Variants in ANK1 observed in about 807,000 individuals in gnomAD.
The protein encoded by ANK1 is ankyrin-1.
A neutral mutation model predicts 210.4 loss-of-function variants in ANK1; 51 were observed. The observed-to-expected ratio is 0.24, with a 90% CI of 0.19 to 0.31. The LOEUF (loss-of-function observed/expected upper bound fraction) is 0.31, where lower values mean the gene tolerates loss of function less well. Among genes scored for constraint, ANK1 ranks in the 10% least tolerant of loss-of-function variants. The pLI, the probability that ANK1 is intolerant of heterozygous loss-of-function variation, is 1.00. For missense variants in ANK1, 2,051 were observed against 2,504.4 expected, an observed-to-expected ratio of 0.82 and a Z score of 3.86; for synonymous variants, 967 against 1,025.9, an observed-to-expected ratio of 0.94 and a Z score of 1.10.
rs748831908 is a variant in ANK1, at chr8:41,690,443, A to C, written c.3984+31T>G. The C allele has an allele frequency of 1.9e-6, 3 of 1,614,078 alleles. No individual in the cohort carries two copies. The African/African-American group carries it at 4.0e-5, about 22-fold the overall frequency. On this transcript the variant is annotated intron_variant, in intron 32 of 42. Coordinates refer to ENST00000289734, the MANE Select transcript of ANK1 (RefSeq NM_000037.4). The stretch of plus-strand genomic sequence containing the variant: ...TCTGCCTCCCCAACTTTCTAGACCC[A>C]GAGGAGAACTCAGCCAGAGGGTGCC...
chr8:41,756,603 C>T (rs567709560), intron 2 of ANK1, among the ~76,000 whole-genome samples: 9 of 152,078 alleles, frequency 5.9e-5, no homozygotes, highest in Non-Finnish European at 1.2e-4. Context: ...CCACCATGCC[C>T]GGCTAATTTT....
intron 2 of ANK1, among the ~76,000 whole-genome samples, chr8:41,756,740 A>C (rs78199333): frequency 0.16 from 24,305 of 152,202 alleles, 2,311 homozygotes; most frequent in South Asian, 0.24. Context: ...ACTACACCGG[A>C]TAGTATTTTG....
intron 8 of ANK1, 68 bp downstream of exon 8, chr8:41,723,467 C>T: frequency 6.4e-7 from 1 of 1,572,096 alleles, no homozygotes; most frequent in Admixed American, 1.7e-5. Context: ...GGGCCCGCTG[C>T]TCTGGGTGAG....
intron 1 of ANK1, among the ~76,000 whole-genome samples, chr8:41,895,536 G>T (rs1370926950): frequency 6.6e-6 from 1 of 152,082 alleles, no homozygotes; most frequent in Non-Finnish European, 1.5e-5. Flanking sequence ...TGGAGGTCTG[G>T]GTCTTTGCGG....
At position 41,663,639 on chromosome 8, in the gene ANK1, G is replaced by A; in HGVS notation, c.5478+20C>T. On this transcript the variant is annotated intron_variant, in intron 40 of 42. Transcript: ENST00000289734. ...CCCACCTGCCTCTCCCCAGCACAGAGGGGAACACTCTGCACCCACCTTCTT... is the reference window on the plus strand; with the variant it reads ...CCCACCTGCCTCTCCCCAGCACAGAAGGGAACACTCTGCACCCACCTTCTT... The A allele has an allele frequency of 6.2e-7, 1 of 1,609,802 alleles. No homozygotes were observed. Among genetic ancestry groups the A allele is most frequent in the East Asian group, 2.2e-5 (1 of 44,850 alleles).
intron 1 of ANK1, among the ~76,000 whole-genome samples, chr8:41,876,005 C>T (rs1385539933): frequency 1.3e-5 from 2 of 151,952 alleles, no homozygotes; most frequent in Non-Finnish European, 2.9e-5. Context: ...CCTGGCCCCG[C>T]GCGCGCACGT....
At chr8:41,896,058 C>T (rs1215821954) in intron 1 of ANK1, among the ~76,000 whole-genome samples, 3 of 152,238 alleles carry the variant, frequency 2.0e-5, no homozygotes, top group African/African-American at 7.2e-5. Context: ...CGCGGGCCTG[C>T]CGGGTGCTGT....
At chr8:41,858,652 G>A (rs919465649) in intron 1 of ANK1, among the ~76,000 whole-genome samples, 2 of 152,218 alleles carry the variant, frequency 1.3e-5, no homozygotes, top group South Asian at 2.1e-4. Flanking sequence ...GATTAGGCCC[G>A]GATTCCGCTC....
chr8:41,784,494 C>T (rs1244936776), intron 1 of ANK1, among the ~76,000 whole-genome samples: 3 of 152,146 alleles, frequency 2.0e-5, no homozygotes, highest in Non-Finnish European at 2.9e-5. Flanking sequence ...TACCACCTAC[C>T]GCAAGGACAT....
intron 1 of ANK1, among the ~76,000 whole-genome samples, chr8:41,839,070 C>A (rs956522525): frequency 6.6e-6 from 1 of 152,102 alleles, no homozygotes; most frequent in East Asian, 1.9e-4. Flanking sequence ...GAGTGAGACT[C>A]CTTCTCAAAA....
intron 1 of ANK1, among the ~76,000 whole-genome samples, chr8:41,831,560 A>G (rs1313234470): frequency 1.3e-5 from 2 of 150,618 alleles, no homozygotes; most frequent in South Asian, 4.2e-4. Context: ...AGGCAGAAGG[A>G]TTGCTTGAAC....
intron 1 of ANK1, among the ~76,000 whole-genome samples, chr8:41,767,678 C>CGG (rs1842149219): frequency 6.6e-6 from 1 of 152,106 alleles, no homozygotes; most frequent in African/African-American, 2.4e-5. Flanking sequence ...GGGGCGCGGG[C>CGG]GGGGGTGCAG....
Position 41,822,096 on chromosome 8 carries a change from G to A in ANK1, c.127-63959C>T, listed in dbSNP as rs1448812629. On this transcript the variant is annotated intron_variant, in intron 1 of 42. Coordinates refer to the ANK1 transcript ENST00000265709. Reference sequence around the variant, plus strand: ...AGAGAGAGAGAGAGAGAGAGAGAGAGAGAGAGAGAGAGAGAGAGAAAGAAA... The same window carrying A: ...AGAGAGAGAGAGAGAGAGAGAGAGAAAGAGAGAGAGAGAGAGAGAAAGAAA... Among the ~76,000 whole-genome samples, 60 of 47,910 alleles carry A rather than the reference G, an allele frequency of 1.3e-3. 4 individuals carry two copies. The highest frequency in any genetic ancestry group is 5.9e-3 in the African/African-American group (60 of 10,160). The allele number at this position is 47,910 out of a possible 152,430, so 31.4% of individuals were successfully genotyped here. A position where few individuals can be genotyped will look rare whatever the true frequency, so the allele number is the denominator to read the frequency against.
chr8:41,659,452 G>A (rs546446455), intron 42 of ANK1, among the ~76,000 whole-genome samples: 7 of 152,250 alleles, frequency 4.6e-5, no homozygotes, highest in African/African-American at 1.4e-4. Flanking sequence ...CCAGCTTTGG[G>A]GCTACAGATA....
At chr8:41,672,309 C>T in intron 38 of ANK1, 45 bp downstream of exon 38, 1 of 1,599,172 alleles carries the variant, frequency 6.3e-7, no homozygotes, top group Non-Finnish European at 8.6e-7. Context: ...TACCCAGGAG[C>T]CCAGAAGACA....
chr8:41,764,533 A>G (rs1841311754), intron 1 of ANK1, among the ~76,000 whole-genome samples: 4 of 152,204 alleles, frequency 2.6e-5, no homozygotes, highest in Admixed American at 1.3e-4. Context: ...AGGCTCATCC[A>G]TTCCCAGATC....
rs528911704 is a variant in ANK1 at position 41,665,243 on chromosome 8, C to T, written c.5395-1501G>A. ...GCTGAAGCAGCCCGGCCCAAGTGCC[C>T]TTCTGCCCAGCAGCCAGGCTCTGCC... is the stretch of plus-strand genomic sequence containing the variant. On this transcript the variant is annotated intron_variant, in intron 39 of 42. Transcript: ENST00000289734. 5.9e-6 allele frequency: 9 copies of T among 1,514,062 alleles called. No homozygotes were observed. The African/African-American group carries it at 1.2e-4, about 21-fold the overall frequency. 93.8% of individuals were successfully genotyped at this position (1,514,062 alleles called of 1,614,324 possible).
intron 2 of ANK1, among the ~76,000 whole-genome samples, chr8:41,756,110 G>C (rs1168508719): frequency 6.6e-6 from 1 of 152,038 alleles, no homozygotes; most frequent in Non-Finnish European, 1.5e-5. Flanking sequence ...AATGGAGGCA[G>C]GTAGTATTTT....
intron 40 of ANK1, among the ~76,000 whole-genome samples, chr8:41,663,110 C>CTGTG (rs1443923513): frequency 2.4e-5 from 3 of 124,832 alleles, no homozygotes; most frequent in Non-Finnish European, 3.3e-5. Flanking sequence ...CTCTCTCTCT[C>CTGTG]TCTCTGTGTG....
Sources: gnomAD v4.1 joint callset for allele counts (sites outside exome capture counted in the v4.1 genomes callset) on GRCh38, gnomAD v4.1.1 for gene constraint, MANE v1.5 for transcripts, NCBI Gene and HGNC (gene_info 2026-07-23, HGNC 2026-07-21) for gene names.